Variants in CATSPERT observed in about 807,000 individuals in gnomAD.
CATSPERT encodes the protein cation channel sperm-associated targeting subunit tau.
At chr2:201,613,713 G>A in the CATSPERT span, among the ~76,000 whole-genome samples, 37 of 152,304 alleles carry the variant, frequency 2.4e-4, no homozygotes, top group African/African-American at 8.2e-4. Context: ...TGAATTTGAC[G>A]AGTTGAGAGA....
At chr2:201,616,149 T>A in the CATSPERT span, among the ~76,000 whole-genome samples, 1 of 152,200 alleles carries the variant, frequency 6.6e-6, no homozygotes, top group Non-Finnish European at 1.5e-5. Flanking sequence ...GTGGTACCAT[T>A]CCTTCTGAAA....
At chr2:201,539,511 G>GCT in the CATSPERT span, among the ~76,000 whole-genome samples, 18 of 89,760 alleles carry the variant, frequency 2.0e-4, no homozygotes, top group Non-Finnish European at 1.3e-4. Context: ...TTTTAACGAG[G>GCT]TTTTTTTTTT....
chr2:201,614,466 A>G, the CATSPERT span, among the ~76,000 whole-genome samples: 2 of 152,236 alleles, frequency 1.3e-5, no homozygotes, highest in Non-Finnish European at 2.9e-5. Flanking sequence ...ACTAAACTTC[A>G]TAAGTGAAGG....
chr2:201,527,571 A>G, the CATSPERT span, among the ~76,000 whole-genome samples: 3 of 152,166 alleles, frequency 2.0e-5, no homozygotes, highest in African/African-American at 4.8e-5. Context: ...ACATAGACCA[A>G]TGGAACAGAA....
chr2:201,604,776 A>AT, the CATSPERT span: 1 of 1,049,264 alleles, frequency 9.5e-7, no homozygotes, highest in Non-Finnish European at 1.4e-6. Flanking sequence ...TAATTATTGT[A>AT]TGAATCTCTA....
the CATSPERT span, among the ~76,000 whole-genome samples, chr2:201,573,706 G>A: frequency 2.0e-5 from 3 of 152,098 alleles, no homozygotes; most frequent in Non-Finnish European, 2.9e-5. Flanking sequence ...GCCCAGGCTG[G>A]AGTGCTGTGG....
chr2:201,488,597 G>T, the CATSPERT span, among the ~76,000 whole-genome samples: 2 of 152,178 alleles, frequency 1.3e-5, no homozygotes, highest in East Asian at 3.9e-4. Flanking sequence ...GAATCTAGTA[G>T]TTACCCTCAA....
the CATSPERT span, among the ~76,000 whole-genome samples, chr2:201,503,247 T>C: frequency 1.3e-5 from 2 of 152,164 alleles, no homozygotes; most frequent in African/African-American, 4.8e-5. Flanking sequence ...CAGTATTTTT[T>C]AAAAATACAT....
chr2:201,610,537 A>G, the CATSPERT span, among the ~76,000 whole-genome samples: 4 of 152,152 alleles, frequency 2.6e-5, no homozygotes, highest in Non-Finnish European at 4.4e-5. Flanking sequence ...CAAACTCTCG[A>G]AGAAGAACTA....
chr2:201,523,297 C>T, the CATSPERT span, among the ~76,000 whole-genome samples: 1 of 152,198 alleles, frequency 6.6e-6, no homozygotes, highest in African/African-American at 2.4e-5. Flanking sequence ...CCAGCAGATG[C>T]TTAACCTTGA....
At chr2:201,523,666 A>G in the CATSPERT span, among the ~76,000 whole-genome samples, 1 of 152,190 alleles carries the variant, frequency 6.6e-6, no homozygotes, top group African/African-American at 2.4e-5. Context: ...AATGACAGAC[A>G]TAGAACCCAG....
At chr2:201,548,683 A>G in the CATSPERT span, among the ~76,000 whole-genome samples, 13 of 152,266 alleles carry the variant, frequency 8.5e-5, no homozygotes, top group African/African-American at 2.4e-4. Flanking sequence ...TTCCCAGTTC[A>G]TTTCATGAGG....
At chr2:201,579,831 T>C in the CATSPERT span, among the ~76,000 whole-genome samples, 1 of 151,828 alleles carries the variant, frequency 6.6e-6, no homozygotes, top group African/African-American at 2.4e-5. Flanking sequence ...TGATTAGATT[T>C]GGGTTACACT....
chr2:201,617,688 C>A, the CATSPERT span, among the ~76,000 whole-genome samples: 6 of 152,066 alleles, frequency 3.9e-5, no homozygotes, highest in Non-Finnish European at 7.4e-5. Flanking sequence ...CAATGGCAAC[C>A]AAAGCCAAAA....
the CATSPERT span, chr2:201,571,892 T>A: frequency 6.5e-7 from 1 of 1,537,868 alleles, no homozygotes; most frequent in Non-Finnish European, 9.0e-7. Context: ...TTAAAATTGT[T>A]TTAAGTGCCA....
chr2:201,565,372 G>A, the CATSPERT span, among the ~76,000 whole-genome samples: 1 of 152,042 alleles, frequency 6.6e-6, no homozygotes, highest in East Asian at 1.9e-4. Context: ...TTCTTGGGAG[G>A]CTGAGGCTGG....
At chr2:201,582,119 C>G in the CATSPERT span, 1 of 1,606,944 alleles carries the variant, frequency 6.2e-7, no homozygotes, top group Non-Finnish European at 8.5e-7. Context: ...AAAGATGTAT[C>G]TGAACACTCC....
chr2:201,498,896 G>T, the CATSPERT span, among the ~76,000 whole-genome samples: 1 of 151,086 alleles, frequency 6.6e-6, no homozygotes, highest in Non-Finnish European at 1.5e-5. Context: ...TTTGGGCCTT[G>T]ACAGGGAAGC....
At chr2:201,599,683 T>A in the CATSPERT span, among the ~76,000 whole-genome samples, 1 of 152,188 alleles carries the variant, frequency 6.6e-6, no homozygotes, top group South Asian at 2.1e-4. Flanking sequence ...AACTTTCTAT[T>A]AGAGTTCCAT....
Sources: gnomAD v4.1 joint callset for allele counts (sites outside exome capture counted in the v4.1 genomes callset) on GRCh38, gnomAD v4.1.1 for gene constraint, MANE v1.5 for transcripts, NCBI Gene and HGNC (gene_info 2026-07-23, HGNC 2026-07-21) for gene names.